The following PIWIL1 variants were observed in gnomAD, a reference collection of about 807,000 sequenced individuals.
The protein encoded by PIWIL1 is piwi-like protein 1.
A neutral mutation model predicts 114.4 loss-of-function variants in PIWIL1; 73 were observed. The ratio of observed to expected loss-of-function variants is 0.64; its 90% CI spans 0.53 to 0.78. The LOEUF (loss-of-function observed/expected upper bound fraction) is 0.78. Ranked by LOEUF, PIWIL1 falls within the 30% of genes least tolerant of loss-of-function variation. PIWIL1 has a pLI of 0.00. For synonymous variants in PIWIL1, 375 were observed against 369.0 expected, an observed-to-expected ratio of 1.02 and a Z score of -0.19; for missense variants, 723 against 1,063.1, an observed-to-expected ratio of 0.68 and a Z score of 4.45.
chr12:130,421,689 A>G, the PIWIL1 span, among the ~76,000 whole-genome samples: 1 of 107,006 alleles, frequency 9.3e-6, no homozygotes, highest in Non-Finnish European at 1.7e-5. Flanking sequence ...CCCTGCATTT[A>G]TATGTGTGTG....
chr12:130,357,722 G>C (rs1349074107), intron 14 of PIWIL1, among the ~76,000 whole-genome samples, 169 bp downstream of exon 14: 1 of 152,164 alleles, frequency 6.6e-6, no homozygotes, highest in Non-Finnish European at 1.5e-5. Context: ...GCTAGCTTTA[G>C]TTGTGCACCT....
At chr12:130,367,550 T>G (rs544803970) in intron 19 of PIWIL1, among the ~76,000 whole-genome samples, 1 of 152,342 alleles carries the variant, frequency 6.6e-6, no homozygotes, top group East Asian at 1.9e-4. Context: ...GCTTTTATAT[T>G]TTTTACGTAC....
the PIWIL1 span, among the ~76,000 whole-genome samples, chr12:130,386,471 C>T: frequency 1.0e-5 from 1 of 96,238 alleles, no homozygotes; most frequent in Non-Finnish European, 2.2e-5. Flanking sequence ...CCCATGCACA[C>T]TACCCCTTCC....
the PIWIL1 span, chr12:130,424,689 G>A: frequency 1.3e-3 from 1,573 of 1,232,026 alleles, 1 homozygote; most frequent in Non-Finnish European, 1.5e-3. The surrounding 1 kb of genome is among the most constrained non-coding windows in gnomAD (Gnocchi z 9.8). Context: ...GGCCAGCCCC[G>A]TCCTGGCCCT....
chr12:130,357,842 A>G (rs2073406965), intron 14 of PIWIL1, among the ~76,000 whole-genome samples: 1 of 152,222 alleles, frequency 6.6e-6, no homozygotes. Flanking sequence ...AATTTGGAAA[A>G]TACAGAAAAG....
the PIWIL1 span, among the ~76,000 whole-genome samples, chr12:130,407,300 T>C: frequency 1.3e-5 from 2 of 152,186 alleles, no homozygotes; most frequent in African/African-American, 4.8e-5. Flanking sequence ...CATCCCAAGC[T>C]GTGCCAGGCG....
chr12:130,420,487 T>A, the PIWIL1 span, among the ~76,000 whole-genome samples: 1 of 152,368 alleles, frequency 6.6e-6, no homozygotes, highest in East Asian at 1.9e-4. The surrounding 1 kb of genome is among the most constrained non-coding windows in gnomAD (Gnocchi z 4.3). Context: ...TTTGGAATTC[T>A]ACGGCTTCAG....
chr12:130,405,526 G>A, the PIWIL1 span, among the ~76,000 whole-genome samples: 1 of 152,194 alleles, frequency 6.6e-6, no homozygotes, highest in East Asian at 1.9e-4. Context: ...GCAGCTACTT[G>A]TAAAGATGCC....
At chr12:130,392,203 G>GTC in the PIWIL1 span, among the ~76,000 whole-genome samples, 823 of 66,984 alleles carry the variant, frequency 0.012, 42 homozygotes, top group Non-Finnish European at 0.017. Context: ...TCACGTGGAT[G>GTC]CATCAGTTAC....
At chr12:130,410,740 C>T in the PIWIL1 span, among the ~76,000 whole-genome samples, 3 of 152,302 alleles carry the variant, frequency 2.0e-5, no homozygotes, top group Non-Finnish European at 2.9e-5. Context: ...TCCAATACCA[C>T]GTTGTCTCGA....
At chr12:130,399,037 G>T in the PIWIL1 span, 2 of 661,776 alleles carry the variant, frequency 3.0e-6, no homozygotes, top group South Asian at 4.2e-5. Context: ...CCACAATGAA[G>T]CCTTAAGTCT....
At chr12:130,342,299 T>C (rs970364099) in intron 1 of PIWIL1, 3 of 417,462 alleles carry the variant, frequency 7.2e-6, no homozygotes, top group African/African-American at 6.0e-5. Flanking sequence ...TCCTCCTAAG[T>C]CTGTTTATAA....
At chr12:130,412,506 G>A in the PIWIL1 span, 58 of 980,052 alleles carry the variant, frequency 5.9e-5, no homozygotes, top group African/African-American at 9.2e-4. Flanking sequence ...CATGACTTTG[G>A]CATATTTAAA....
At chr12:130,393,999 G>A in the PIWIL1 span, among the ~76,000 whole-genome samples, 16 of 152,212 alleles carry the variant, frequency 1.1e-4, no homozygotes, top group Non-Finnish European at 1.9e-4. Context: ...TGTATTTTAC[G>A]GATTCCTTAT....
At chr12:130,340,015 C>T (rs1239160492) in intron 1 of PIWIL1, among the ~76,000 whole-genome samples, 1 of 152,142 alleles carries the variant, frequency 6.6e-6, no homozygotes, top group East Asian at 1.9e-4. Context: ...AATTGTGATT[C>T]GCAGCCTAGT....
At chr12:130,414,371 A>G in the PIWIL1 span, 1 of 1,480,000 alleles carries the variant, frequency 6.8e-7, no homozygotes, top group Non-Finnish European at 9.1e-7. Context: ...TGCACGGGAA[A>G]TGCAGCTTTG....
At chr12:130,347,914 TA>T (rs1165487121) in intron 6 of PIWIL1, among the ~76,000 whole-genome samples, 188 bp from the exon 7 acceptor site, 5 of 152,242 alleles carry the variant, frequency 3.3e-5, no homozygotes, top group African/African-American at 1.2e-4. Flanking sequence ...AATAATCTTT[TA>T]TTTTTTCCAA....
the PIWIL1 span, among the ~76,000 whole-genome samples, chr12:130,384,542 A>C: frequency 6.6e-6 from 1 of 152,228 alleles, no homozygotes; most frequent in African/African-American, 2.4e-5. Flanking sequence ...CATGTTAATG[A>C]CATACGTTGA....
intron 1 of PIWIL1, among the ~76,000 whole-genome samples, chr12:130,338,970 C>A (rs928892680): frequency 5.5e-4 from 83 of 151,964 alleles, no homozygotes; most frequent in African/African-American, 1.9e-3. Context: ...CATTGGCGGC[C>A]GTGCGTGAGA....
Sources: gnomAD v4.1 joint callset for allele counts (sites outside exome capture counted in the v4.1 genomes callset) on GRCh38, gnomAD v4.1.1 for gene constraint, Gnocchi (gnomAD v3.1) non-coding constraint, MANE v1.5 for transcripts, NCBI Gene and HGNC (gene_info 2026-07-23, HGNC 2026-07-21) for gene names.